PDE10A: variants seen among roughly 807,000 people sequenced by gnomAD.
PDE10A encodes cAMP and cAMP-inhibited cGMP 3',5'-cyclic phosphodiesterase 10A.
A neutral mutation model predicts 97.7 loss-of-function variants in PDE10A; 39 were observed. The ratio of observed to expected loss-of-function variants is 0.40; its 90% CI spans 0.31 to 0.52. The LOEUF (loss-of-function observed/expected upper bound fraction) is 0.52, where lower values mean the gene tolerates loss of function less well. Among genes scored for constraint, PDE10A ranks in the 20% least tolerant of loss-of-function variants. The pLI is 0.56. For missense variants in PDE10A, 731 were observed against 1,047.8 expected, an observed-to-expected ratio of 0.70 and a Z score of 4.17; for synonymous variants, 371 against 376.8, an observed-to-expected ratio of 0.98 and a Z score of 0.18.
chr6:165,571,065 T>G (rs1008896239), intron 1 of PDE10A, among the ~76,000 whole-genome samples: 1 of 152,234 alleles, frequency 6.6e-6, no homozygotes, highest in African/African-American at 2.4e-5. Context: ...CACTAAGCAC[T>G]AAACAAATGT....
chr6:165,984,074 C>G (rs189398510), intron 1 of PDE10A, among the ~76,000 whole-genome samples: 1 of 152,344 alleles, frequency 6.6e-6, no homozygotes, highest in Admixed American at 6.5e-5. Context: ...TCAATGGTTT[C>G]TACAGTTACA....
Position 165,328,633 on chromosome 6 carries a change from G to A in PDE10A, c.*4392C>T, listed in dbSNP as rs1781174061. On this transcript the variant is annotated 3_prime_UTR_variant, in exon 22 of 22. Coordinates refer to ENST00000539869, the MANE Select transcript of PDE10A (RefSeq NM_001385079.1). ...CTGCTCTCCATTGCTGGGTTGAGAA[G>A]AGAAACATCAAGTGAGGACAGCATT... is the stretch of plus-strand genomic sequence containing the variant. The A allele has an allele frequency of 6.6e-6, 1 of 152,240 alleles. No homozygotes were observed. Among genetic ancestry groups the A allele is most frequent in the South Asian group, 2.1e-4 (1 of 4,836 alleles). 9.4% of individuals were successfully genotyped at this position (152,240 alleles called of 1,614,324 possible).
At chr6:165,821,414 A>G (rs1779565942) in intron 1 of PDE10A, among the ~76,000 whole-genome samples, 1 of 152,220 alleles carries the variant, frequency 6.6e-6, no homozygotes, top group African/African-American at 2.4e-5. Flanking sequence ...TGATATTTTA[A>G]TTACTGATAA....
At chr6:165,843,323 G>GAC (rs143727468) in intron 1 of PDE10A, among the ~76,000 whole-genome samples, 1 of 152,156 alleles carries the variant, frequency 6.6e-6, no homozygotes, top group Non-Finnish European at 1.5e-5. Context: ...TCCCAGAGCA[G>GAC]ACACACACAC....
chr6:165,959,915 C>T (rs929909535), intron 1 of PDE10A, among the ~76,000 whole-genome samples: 1 of 152,126 alleles, frequency 6.6e-6, no homozygotes, highest in Non-Finnish European at 1.5e-5. Context: ...GGAACACACC[C>T]AGAGGCGACT....
intron 1 of PDE10A, among the ~76,000 whole-genome samples, chr6:165,545,841 A>C (rs1783712741): frequency 6.6e-6 from 1 of 152,076 alleles, no homozygotes; most frequent in Non-Finnish European, 1.5e-5. Context: ...AGTGACTTTG[A>C]AAGACTGTTT....
At chr6:165,525,975 C>T (rs1425821281) in intron 2 of PDE10A, among the ~76,000 whole-genome samples, 1 of 152,010 alleles carries the variant, frequency 6.6e-6, no homozygotes, top group Non-Finnish European at 1.5e-5. Context: ...CAATTATGGC[C>T]CCTCAATTAA....
chr6:165,738,953 G>A (rs942715897), intron 1 of PDE10A, among the ~76,000 whole-genome samples: 1 of 152,158 alleles, frequency 6.6e-6, no homozygotes, highest in African/African-American at 2.4e-5. Context: ...AAAAATCTGT[G>A]CAGTGAAAAC....
chr6:165,447,274 AG>A (rs1226912499), intron 5 of PDE10A, among the ~76,000 whole-genome samples: 1 of 152,206 alleles, frequency 6.6e-6, no homozygotes, highest in Non-Finnish European at 1.5e-5. Flanking sequence ...ACAGGGCAGG[AG>A]AGACCAGCCT....
chr6:165,683,786 C>T (rs368133424), intron 1 of PDE10A, among the ~76,000 whole-genome samples: 171 of 152,194 alleles, frequency 1.1e-3, no homozygotes, highest in African/African-American at 4.0e-3. Context: ...TGTACGTCAC[C>T]GATTGAAAAT....
intron 1 of PDE10A, among the ~76,000 whole-genome samples, chr6:165,846,061 G>C (rs1780408799): frequency 6.6e-6 from 1 of 152,234 alleles, no homozygotes; most frequent in East Asian, 1.9e-4. Context: ...CAGAATGCAT[G>C]ACAGCCTACA....
chr6:165,461,049 A>T (rs1192985194), intron 3 of PDE10A, among the ~76,000 whole-genome samples: 1 of 152,212 alleles, frequency 6.6e-6, no homozygotes, highest in Non-Finnish European at 1.5e-5. Context: ...TGGAGGCTTT[A>T]GATAAATTAG....
chr6:165,446,941 T>G (rs1790890886), intron 5 of PDE10A, among the ~76,000 whole-genome samples: 1 of 152,062 alleles, frequency 6.6e-6, no homozygotes. Flanking sequence ...TACCAGTCCT[T>G]TAAGTTACTA....
chr6:165,859,623 G>A lies in PDE10A; in HGVS notation c.-615+127906C>T, dbSNP rs991152361. ...GAGCTGCCACATGTTCAGCTACCTG[G>A]AAGCTCTCCAAATCCAATCCTTTTG... On this transcript the variant is annotated intron_variant, in intron 1 of 19. Transcript: ENST00000366882. Among the ~76,000 whole-genome samples, 4 of 152,324 alleles carry A rather than the reference G, an allele frequency of 2.6e-5. No individual in the cohort carries two copies. In the East Asian group the frequency reaches 7.7e-4, roughly 29 times the overall value.
intron 1 of PDE10A, among the ~76,000 whole-genome samples, chr6:165,767,282 G>A (rs908647209): frequency 5.3e-5 from 8 of 152,196 alleles, no homozygotes; most frequent in Non-Finnish European, 1.2e-4. Context: ...ATATTTCATT[G>A]AGATTTAATA....
At chr6:165,870,050 T>C (rs1313985164) in intron 1 of PDE10A, among the ~76,000 whole-genome samples, 1 of 152,130 alleles carries the variant, frequency 6.6e-6, no homozygotes, top group African/African-American at 2.4e-5. Context: ...AATGATTTTA[T>C]GACAAAGACT....
chr6:165,544,842 T>C (rs373956281), intron 1 of PDE10A, among the ~76,000 whole-genome samples: 13 of 145,594 alleles, frequency 8.9e-5, no homozygotes, highest in South Asian at 4.6e-4. Context: ...CACACACACA[T>C]ATACACACAC....
intron 5 of PDE10A, among the ~76,000 whole-genome samples, chr6:165,444,808 A>G (rs1790722186): frequency 6.6e-6 from 1 of 152,136 alleles, no homozygotes; most frequent in Non-Finnish European, 1.5e-5. Context: ...GTTATTTGTT[A>G]TATTTCTCAT....
At chr6:165,981,507 C>T (rs1785014681) in intron 1 of PDE10A, among the ~76,000 whole-genome samples, 1 of 152,092 alleles carries the variant, frequency 6.6e-6, no homozygotes, top group African/African-American at 2.4e-5. Flanking sequence ...ATTTTCTTTC[C>T]CACTTGAATC....
Sources: gnomAD v4.1 joint callset for allele counts (sites outside exome capture counted in the v4.1 genomes callset) on GRCh38, gnomAD v4.1.1 for gene constraint, MANE v1.5 for transcripts, NCBI Gene and HGNC (gene_info 2026-07-23, HGNC 2026-07-21) for gene names.